The following ZNF460 variants were observed in gnomAD, a reference collection of about 807,000 sequenced individuals.
The protein encoded by ZNF460 is zinc finger protein 272.
In ZNF460, 1 loss-of-function variant was observed where a neutral mutation model predicts 8.4. The observed-to-expected ratio is 0.12, with a 90% CI of 0.04 to 0.56. The LOEUF (loss-of-function observed/expected upper bound fraction) is 0.56, where lower values mean the gene tolerates loss of function less well. ZNF460 is among the 20% of genes least tolerant of loss of function. The probability of loss-of-function intolerance (pLI) is 0.91; values close to 1 mark genes in which losing one functional copy is unlikely to be tolerated. For synonymous variants in ZNF460, 262 were observed against 259.9 expected, an observed-to-expected ratio of 1.01 and a Z score of -0.08; for missense variants, 477 against 714.8, an observed-to-expected ratio of 0.67 and a Z score of 3.79.
chr19:57,291,187 A>G lies in ZNF460; in HGVS notation c.646A>G (p.Ile216Val). Reference protein sequence around the residue: ...GKSKHLLQHHIIHTGEKPYKC... With the variant: ...GKSKHLLQHHVIHTGEKPYKC... ...GAGCAAACACCTCCTTCAGCATCAC[A>G]TCATCCATACTGGGGAGAAGCCCTA... The change falls in exon 3 of 3, where the codon ATC becomes GTC. Residue 216 changes from isoleucine (I) to valine (V), a missense_variant. By Grantham distance (29) the Ile-to-Val change is conservative (BLOSUM62 3). Coordinates refer to ENST00000360338, the MANE Select transcript of ZNF460 (RefSeq NM_006635.4). The surrounding 1 kb of genome is among the most constrained non-coding windows in gnomAD (Gnocchi z 8.4). 1 of 1,614,216 alleles carries G rather than the reference A, an allele frequency of 6.2e-7. No homozygotes were observed. Among genetic ancestry groups the G allele is most frequent in the Non-Finnish European group, 8.5e-7 (1 of 1,180,038 alleles).
intron 1 of ZNF460, 71 bp from the exon 2 acceptor site, chr19:57,284,480 C>T (rs1275013359): frequency 6.4e-7 from 1 of 1,558,992 alleles, no homozygotes; most frequent in East Asian, 2.3e-5. Flanking sequence ...TTTTGCAGTG[C>T]TGGAGTGACA....
chr19:57,285,274 C>T (rs1389449317), intron 2 of ZNF460, among the ~76,000 whole-genome samples: 1 of 152,218 alleles, frequency 6.6e-6, no homozygotes, highest in Non-Finnish European at 1.5e-5. Flanking sequence ...GATTTGCAGC[C>T]AGGCCCCCCT....
At chr19:57,284,433 G>T in intron 1 of ZNF460, 118 bp from the exon 2 acceptor site, 1 of 1,302,330 alleles carries the variant, frequency 7.7e-7, no homozygotes, top group Non-Finnish European at 1.1e-6. Context: ...GCCCTTTGGA[G>T]GTGCTTGGTG....
chr19:57,284,554 T>C lies in ZNF460; in HGVS notation c.34T>C (p.Ser12Pro), dbSNP rs1056637487. Reference protein sequence around the residue: ...AAAWMAPAQESVTFEDVAVTF... With the variant: ...AAAWMAPAQEPVTFEDVAVTF... ...CTGGTTCTTTTTGACTTTTCAGGAG[T>C]CTGTGACCTTCGAGGATGTGGCTGT... is the stretch of plus-strand genomic sequence containing the variant. Residue 12 changes from serine (S) to proline (P), a missense_variant, in exon 2 of 3, where the codon TCT becomes CCT. Ser to Pro is a moderately conservative substitution (Grantham distance 74). This residue lies in a region of ZNF460 where 22 missense variants were observed against 22.3 expected (regional missense o/e 0.99). Transcript: ENST00000360338. 1.2e-6 allele frequency: 2 copies of C among 1,612,018 alleles called. No individual in the cohort carries two copies. Among genetic ancestry groups the C allele is most frequent in the Non-Finnish European group, 8.5e-7 (1 of 1,179,316 alleles).
At position 57,292,803 on chromosome 19, in the gene ZNF460, G is replaced by A. The variant is rs1166478401; in HGVS notation, c.*573G>A. ...CAAACGGTTTGTTTGAAAACATTTTGTGAAAGCCTGCTTTGTTCCACAGCA... is the reference window on the plus strand; with the variant it reads ...CAAACGGTTTGTTTGAAAACATTTTATGAAAGCCTGCTTTGTTCCACAGCA... On this transcript the variant is annotated 3_prime_UTR_variant, in exon 3 of 3. Transcript: ENST00000360338. 6.5e-6 allele frequency: 1 copy of A among 152,674 alleles called. No individual in the cohort carries two copies. The highest frequency in any genetic ancestry group is 1.5e-5 in the Non-Finnish European group (1 of 68,422). The allele number at this position is 152,674 out of a possible 1,614,324, so 9.5% of individuals were successfully genotyped here.
Position 57,280,810 on chromosome 19 carries a change from G to C in ZNF460, c.4G>C (p.Ala2Pro). The change falls in exon 1 of 3, where the codon GCG becomes CCG. Residue 2 changes from alanine to proline, a missense_variant. By Grantham distance (27) the Ala-to-Pro change is conservative (BLOSUM62 -1). Around this residue, in one of 5 missense-constraint regions of ZNF460, gnomAD observed 22 missense variants for 22.3 expected, o/e 0.99. Transcript: ENST00000360338. ...GCTGATCCGCGGCATTCCCGGGATG[G>C]CGGCGGCGTGGATGGCTCCGGCGCA... M[A>P]AAWMAPAQES... 1 of 1,614,114 alleles carries C rather than the reference G, an allele frequency of 6.2e-7. No homozygotes were observed. Among genetic ancestry groups the C allele is most frequent in the Non-Finnish European group, 8.5e-7 (1 of 1,179,988 alleles).
chr19:57,290,321 A>G (rs1032042149), intron 2 of ZNF460, among the ~76,000 whole-genome samples: 1 of 150,800 alleles, frequency 6.6e-6, no homozygotes, highest in African/African-American at 2.4e-5. Context: ...TCTGTCACCT[A>G]GGCTGGAGTG....
At chr19:57,287,787 G>A (rs2087889709) in intron 2 of ZNF460, among the ~76,000 whole-genome samples, 1 of 152,154 alleles carries the variant, frequency 6.6e-6, no homozygotes, top group Admixed American at 6.5e-5. Flanking sequence ...GAGGTCAGGA[G>A]TTATCAGCCT....
rs1451717253 is a variant in ZNF460, at chr19:57,294,025, A to T, written c.*1795A>T. 2 of 152,176 alleles carry T rather than the reference A, an allele frequency of 1.3e-5. No homozygotes were observed. The highest frequency in any genetic ancestry group is 4.8e-5 in the African/African-American group (2 of 41,450). 9.4% of individuals were successfully genotyped at this position (152,176 alleles called of 1,614,324 possible). On this transcript the variant is annotated 3_prime_UTR_variant, in exon 3 of 3. Coordinates refer to ENST00000360338, the MANE Select transcript of ZNF460 (RefSeq NM_006635.4). ...CACTTAGACTGATTTCTTAGCTATT[A>T]TGAATAGTGCTTCAATAAACATAGG...
intron 1 of ZNF460, among the ~76,000 whole-genome samples, chr19:57,283,669 T>G (rs2087858622): frequency 6.6e-6 from 1 of 151,560 alleles, no homozygotes; most frequent in Non-Finnish European, 1.5e-5. Context: ...ACCTGGCTAA[T>G]TTTTGTATTT....
At chr19:57,283,241 C>T (rs889823782) in intron 1 of ZNF460, among the ~76,000 whole-genome samples, 1 of 151,624 alleles carries the variant, frequency 6.6e-6, no homozygotes, top group Non-Finnish European at 1.5e-5. Context: ...GCGATCTCGG[C>T]TCACTGCAAC....
chr19:57,285,878 A>T (rs1227900767), intron 2 of ZNF460, among the ~76,000 whole-genome samples: 2 of 151,992 alleles, frequency 1.3e-5, no homozygotes, highest in East Asian at 3.9e-4. Flanking sequence ...GGTGTTCTTC[A>T]TTTCCTCTGA....
Position 57,291,118 on chromosome 19 carries a change from G to T in ZNF460, c.577G>T (p.Val193Leu), listed in dbSNP as rs2087914696. ...LVQHEQILPRVKPYDCPECGK... is the reference protein window; with the variant it reads ...LVQHEQILPRLKPYDCPECGK... ...TCAGCATGAGCAGATTCTCCCTCGT[G>T]TGAAGCCCTATGATTGCCCAGAATG... The change falls in exon 3 of 3, where the codon GTG becomes TTG. Residue 193 changes from valine (V) to leucine (L), a missense_variant. Coordinates refer to ENST00000360338, the MANE Select transcript of ZNF460 (RefSeq NM_006635.4). This position sits in a 1 kb window ranked among gnomAD's most constrained non-coding sequence, Gnocchi z 8.4. 6.2e-7 allele frequency: 1 copy of T among 1,614,210 alleles called. No individual in the cohort carries two copies. The highest frequency in any genetic ancestry group is 1.1e-5 in the South Asian group (1 of 91,084).
At chr19:57,287,210 C>T (rs932352209) in intron 2 of ZNF460, among the ~76,000 whole-genome samples, 1 of 152,118 alleles carries the variant, frequency 6.6e-6, no homozygotes, top group African/African-American at 2.4e-5. Context: ...CTGTGTTATT[C>T]TTTTGAGGTG....
At chr19:57,287,083 G>A (rs947813590) in intron 2 of ZNF460, among the ~76,000 whole-genome samples, 126 of 151,876 alleles carry the variant, frequency 8.3e-4, no homozygotes, top group African/African-American at 2.3e-3. Flanking sequence ...TTATGCCCTC[G>A]ATAGCTTCTT....
chr19:57,292,352 G>C lies in ZNF460; in HGVS notation c.*122G>C, dbSNP rs2087924971. The C allele has an allele frequency of 1.9e-6, 2 of 1,037,026 alleles. No homozygotes were observed. The highest frequency in any genetic ancestry group is 1.6e-5 in the South Asian group (1 of 62,940). 64.2% of individuals were successfully genotyped at this position (1,037,026 alleles called of 1,614,324 possible). On this transcript the variant is annotated 3_prime_UTR_variant, in exon 3 of 3. Transcript: ENST00000360338. The stretch of plus-strand genomic sequence containing the variant: ...GGTGAGAGGAAACATCTTACCATCT[G>C]GTCATTCATACTGAAGAGAAACTCC...
At position 57,280,677 on chromosome 19, in the gene ZNF460, ACGCTG is replaced by A. The variant is rs1312578578; in HGVS notation, c.-126_-122del. Reference sequence around the variant, plus strand: ...GCCGCCCTCCGTCTCCTCAGCCCCGACGCTGCGCCTTGGGCCTTGTGCGCATTTTT... The same window carrying A: ...GCCGCCCTCCGTCTCCTCAGCCCCGACGCCTTGGGCCTTGTGCGCATTTTT... On this transcript the variant is annotated 5_prime_UTR_variant, in exon 1 of 3. Coordinates refer to ENST00000360338, the MANE Select transcript of ZNF460 (RefSeq NM_006635.4). The A allele has an allele frequency of 2.9e-6, 4 of 1,371,152 alleles. No individual in the cohort carries two copies. The highest frequency in any genetic ancestry group is 4.0e-6 in the Non-Finnish European group (4 of 1,004,946). 84.9% of individuals were successfully genotyped at this position (1,371,152 alleles called of 1,614,324 possible). A position where few individuals can be genotyped will look rare whatever the true frequency, so the allele number is the denominator to read the frequency against.
rs2087921936 is a variant in ZNF460, at chr19:57,292,069, G to C, written c.1528G>C (p.Gly510Arg). 2 of 1,614,058 alleles carry C rather than the reference G, an allele frequency of 1.2e-6. No homozygotes were observed. The highest frequency in any genetic ancestry group is 1.7e-6 in the Non-Finnish European group (2 of 1,180,044). ...AEKSHEPIQSGNVSCESTDLI... is the reference protein window; with the variant it reads ...AEKSHEPIQSRNVSCESTDLI... ...GAAGTCCCACGAACCCATCCAGAGT[G>C]GGAACGTTTCTTGTGAGAGCACAGA... Residue 510 changes from glycine (G) to arginine (R), a missense_variant, in exon 3 of 3, where the codon GGG (glycine) becomes CGG (arginine). Physicochemically the swap from Gly to Arg is moderately radical, Grantham distance 125. Transcript: ENST00000360338.
chr19:57,293,533 A>G lies in ZNF460; in HGVS notation c.*1303A>G, dbSNP rs540140136. 46 of 152,304 alleles carry G rather than the reference A, an allele frequency of 3.0e-4. No individual in the cohort carries two copies. Among genetic ancestry groups the G allele is most frequent in the African/African-American group, 1.1e-3 (44 of 41,566 alleles). The allele number at this position is 152,304 out of a possible 1,614,324, so 9.4% of individuals were successfully genotyped here. ...GACAATGTTTATGGGGTTTGGTGTG[A>G]TATTTCAATACATGTGTGCTAAGAG... On this transcript the variant is annotated 3_prime_UTR_variant, in exon 3 of 3. Coordinates refer to ENST00000360338, the MANE Select transcript of ZNF460 (RefSeq NM_006635.4).
Sources: gnomAD v4.1 joint callset for allele counts (sites outside exome capture counted in the v4.1 genomes callset) on GRCh38, gnomAD v4.1.1 for gene constraint, gnomAD v4.1.1 regional missense constraint, Gnocchi (gnomAD v3.1) non-coding constraint, MANE v1.5 for transcripts, NCBI Gene and HGNC (gene_info 2026-07-23, HGNC 2026-07-21) for gene names.